PDE4D: variants seen among roughly 807,000 people sequenced by gnomAD.
The protein encoded by PDE4D is 3',5'-cyclic-AMP phosphodiesterase 4D.
PDE4D carries 24 observed loss-of-function variants against 87.4 expected under a neutral mutation model. The ratio of observed to expected loss-of-function variants is 0.27; its 90% CI spans 0.20 to 0.39. The LOEUF (loss-of-function observed/expected upper bound fraction) is 0.39, where lower values mean the gene tolerates loss of function less well. Ranked by LOEUF, PDE4D falls within the 10% of genes least tolerant of loss-of-function variation. The pLI is 1.00. For missense variants in PDE4D, 714 were observed against 1,041.0 expected, an observed-to-expected ratio of 0.69 and a Z score of 4.32; for synonymous variants, 384 against 383.2, an observed-to-expected ratio of 1.00 and a Z score of -0.02.
intron 1 of PDE4D, among the ~76,000 whole-genome samples, chr5:59,403,146 C>A (rs373369744): frequency 4.6e-5 from 6 of 131,136 alleles, no homozygotes; most frequent in African/African-American, 1.1e-4. Context: ...GGTAGGTAGA[C>A]AGACAGACAG....
intron 5 of PDE4D, among the ~76,000 whole-genome samples, chr5:59,139,337 T>C (rs987944688): frequency 6.6e-6 from 1 of 152,228 alleles, no homozygotes; most frequent in Non-Finnish European, 1.5e-5. Context: ...GGGAAGGTTA[T>C]ACCTGGGCTG....
chr5:60,460,171 C>CATTT, intron 1 of PDE4D: 1 of 1,577,748 alleles, frequency 6.3e-7, no homozygotes, highest in Non-Finnish European at 8.7e-7. Context: ...TTGACTTGAA[C>CATTT]ATTTCATCAA....
At chr5:59,820,723 G>T (rs1308537066) in intron 1 of PDE4D, among the ~76,000 whole-genome samples, 1 of 152,138 alleles carries the variant, frequency 6.6e-6, no homozygotes, top group Non-Finnish European at 1.5e-5. Flanking sequence ...CTATGGGCTT[G>T]CTCCTCTTGA....
intron 2 of PDE4D, among the ~76,000 whole-genome samples, chr5:60,121,248 T>C (rs1778648160): frequency 6.6e-6 from 1 of 151,836 alleles, no homozygotes; most frequent in Non-Finnish European, 1.5e-5. Context: ...GAACCCTGAC[T>C]AACACACCCA....
upstream of PDE4D, among the ~76,000 whole-genome samples, chr5:59,895,503 C>A (rs2152758367): frequency 6.6e-6 from 1 of 152,292 alleles, no homozygotes; most frequent in Non-Finnish European, 1.5e-5. Context: ...ACTCTTTTTG[C>A]CCCTTTTGCA....
chr5:59,414,476 C>T (rs564052111), intron 1 of PDE4D, among the ~76,000 whole-genome samples: 20 of 152,230 alleles, frequency 1.3e-4, no homozygotes, highest in African/African-American at 4.8e-4. Flanking sequence ...GGAGAGGATG[C>T]GAGCCAAGGC....
chr5:60,065,270 C>CGTGT (rs10606448), intron 2 of PDE4D, among the ~76,000 whole-genome samples: 19 of 148,842 alleles, frequency 1.3e-4, no homozygotes, highest in South Asian at 4.2e-4. Context: ...GTGTGTGTGT[C>CGTGT]GTGTGTGTGT....
chr5:59,626,124 G>A (rs902548081), intron 1 of PDE4D, among the ~76,000 whole-genome samples: 4 of 152,082 alleles, frequency 2.6e-5, no homozygotes, highest in Admixed American at 2.0e-4. Flanking sequence ...AAAAACCAAT[G>A]CCTGGTTTCC....
chr5:60,437,843 A>G (rs1744882010), intron 1 of PDE4D, among the ~76,000 whole-genome samples: 1 of 152,124 alleles, frequency 6.6e-6, no homozygotes, highest in Admixed American at 6.5e-5. Context: ...TGCTGTAGAC[A>G]TTTTATGTCT....
intron 1 of PDE4D, among the ~76,000 whole-genome samples, chr5:59,858,996 G>T (rs1254441560): frequency 6.6e-6 from 1 of 152,146 alleles, no homozygotes; most frequent in African/African-American, 2.4e-5. Flanking sequence ...AGCAACATGG[G>T]AATTTATGCT....
chr5:59,067,063 G>A (rs1258490035), intron 5 of PDE4D, among the ~76,000 whole-genome samples: 2 of 151,676 alleles, frequency 1.3e-5, no homozygotes, highest in Non-Finnish European at 2.9e-5. Flanking sequence ...CACTCGGGCT[G>A]GATTTCAGTG....
intron 5 of PDE4D, among the ~76,000 whole-genome samples, chr5:59,155,509 A>G (rs1780041165): frequency 6.6e-6 from 1 of 152,224 alleles, no homozygotes; most frequent in Non-Finnish European, 1.5e-5. Context: ...TGGACTGCAG[A>G]CTGAATAGGG....
intron 1 of PDE4D, among the ~76,000 whole-genome samples, chr5:60,244,644 C>T (rs111793865): frequency 0.014 from 2,077 of 151,944 alleles, 24 homozygotes; most frequent in Middle Eastern, 0.034. Context: ...GAAATAAATC[C>T]GTACATCTAC....
At chr5:60,231,333 C>G (rs1333817800) in intron 1 of PDE4D, among the ~76,000 whole-genome samples, 1 of 151,858 alleles carries the variant, frequency 6.6e-6, no homozygotes, top group African/African-American at 2.4e-5. Context: ...AATAGAGAAG[C>G]TATTGTTCTA....
At chr5:59,881,996 C>G (rs895412913) in intron 1 of PDE4D, among the ~76,000 whole-genome samples, 1 of 152,132 alleles carries the variant, frequency 6.6e-6, no homozygotes, top group South Asian at 2.1e-4. Flanking sequence ...TAATTCAACA[C>G]AAAGTTTGGC....
intron 1 of PDE4D, among the ~76,000 whole-genome samples, chr5:60,386,649 A>C (rs1762212396): frequency 6.6e-6 from 1 of 152,188 alleles, no homozygotes; most frequent in Non-Finnish European, 1.5e-5. Flanking sequence ...CTTTCACTGG[A>C]TCCATCACAA....
chr5:59,259,925 A>G (rs1761682655), intron 1 of PDE4D, among the ~76,000 whole-genome samples: 1 of 151,832 alleles, frequency 6.6e-6, no homozygotes, highest in Non-Finnish European at 1.5e-5. Context: ...TGTTATACTA[A>G]ATTAGAAACT....
intron 1 of PDE4D, among the ~76,000 whole-genome samples, chr5:59,281,512 C>A (rs1181382820): frequency 6.6e-6 from 1 of 152,136 alleles, no homozygotes; most frequent in South Asian, 2.1e-4. Context: ...TATGTCAACT[C>A]TCTCTAAGCA....
At chr5:59,114,141 T>C (rs754486235) in intron 5 of PDE4D, among the ~76,000 whole-genome samples, 1 of 152,110 alleles carries the variant, frequency 6.6e-6, no homozygotes, top group Non-Finnish European at 1.5e-5. Context: ...ACTACAAAAA[T>C]AATTTTGAAG....
Sources: gnomAD v4.1 joint callset for allele counts (sites outside exome capture counted in the v4.1 genomes callset) on GRCh38, gnomAD v4.1.1 for gene constraint, MANE v1.5 for transcripts, NCBI Gene and HGNC (gene_info 2026-07-23, HGNC 2026-07-21) for gene names.